Variants in P3H2 observed in about 807,000 individuals in gnomAD.
P3H2 encodes the protein prolyl 3-hydroxylase 2.
In P3H2, 80 loss-of-function variants were observed where a neutral mutation model predicts 87.0. The observed-to-expected ratio is 0.92, with a 90% CI of 0.77 to 1.11. The LOEUF (loss-of-function observed/expected upper bound fraction) is 1.11. Ranked by LOEUF, P3H2 falls within the 50% of genes least tolerant of loss-of-function variation. The pLI, the probability that P3H2 is intolerant of heterozygous loss-of-function variation, is 0.00. For synonymous variants in P3H2, 367 were observed against 359.3 expected, an observed-to-expected ratio of 1.02 and a Z score of -0.24; for missense variants, 1,001 against 923.9, an observed-to-expected ratio of 1.08 and a Z score of -1.08.
chr3:190,012,843 T>A (rs980456181), intron 1 of P3H2, among the ~76,000 whole-genome samples: 3 of 152,150 alleles, frequency 2.0e-5, no homozygotes, highest in African/African-American at 7.2e-5. Context: ...TACAGAAGAT[T>A]AAGAGATTTT....
intron 1 of P3H2, among the ~76,000 whole-genome samples, chr3:190,056,305 C>T (rs1273698595): frequency 6.6e-6 from 1 of 152,170 alleles, no homozygotes; most frequent in African/African-American, 2.4e-5. Context: ...CAAGCTAATA[C>T]AGCTTGTTAA....
In P3H2 at chr3:190,120,712, G is replaced by A. The variant is rs1315055309; in HGVS notation, c.20C>T (p.Ala7Val). 2 of 1,520,230 alleles carry A rather than the reference G, an allele frequency of 1.3e-6. No individual in the cohort carries two copies. Among genetic ancestry groups the A allele is most frequent in the African/African-American group, 1.4e-5 (1 of 70,934 alleles). The allele number at this position is 1,520,230 out of a possible 1,614,324, so 94.2% of individuals were successfully genotyped here. Residue 7 changes from alanine to valine, a missense_variant, in exon 1 of 15, where the codon GCG becomes GTG. Ala to Val is a moderately conservative substitution (Grantham distance 64). Coordinates refer to ENST00000319332, the MANE Select transcript of P3H2 (RefSeq NM_018192.4). ...CGGCAGCAGCAGCAGCAGCGGCGGCGCCCAGATGCGCTCCCGCATCCTCCG... is the reference window on the plus strand; with the variant it reads ...CGGCAGCAGCAGCAGCAGCGGCGGCACCCAGATGCGCTCCCGCATCCTCCG... MRERIWAPPLLLLLPLL... is the reference protein window; with the variant it reads MRERIWVPPLLLLLPLL...
In P3H2 at chr3:190,115,990, T is replaced by C. The variant is rs375111515; in HGVS notation, c.480+4262A>G. On this transcript the variant is annotated intron_variant, in intron 1 of 14. Coordinates refer to ENST00000319332, the MANE Select transcript of P3H2 (RefSeq NM_018192.4). ...CATCCAAATCTGGGAACCTCTGCTTTAGGAGATACAAGAATCACTAAGACA... is the reference window on the plus strand; with the variant it reads ...CATCCAAATCTGGGAACCTCTGCTTCAGGAGATACAAGAATCACTAAGACA... Among the ~76,000 whole-genome samples the C allele has an allele frequency of 2.0e-4, 31 of 152,304 alleles. No homozygotes were observed. In the East Asian group the frequency reaches 5.6e-3, roughly 27 times the overall value.
chr3:190,066,571 C>T (rs919174745), intron 1 of P3H2, among the ~76,000 whole-genome samples: 2 of 151,972 alleles, frequency 1.3e-5, no homozygotes, highest in African/African-American at 4.8e-5. Flanking sequence ...ACCAAAATCT[C>T]ACAAATCACC....
chr3:190,077,471 C>A (rs1171082647), intron 1 of P3H2, among the ~76,000 whole-genome samples: 2 of 152,184 alleles, frequency 1.3e-5, no homozygotes, highest in Non-Finnish European at 2.9e-5. Context: ...TTTGTATGCA[C>A]ATGGACACAC....
At chr3:189,995,657 G>A (rs1180353127) in intron 1 of P3H2, among the ~76,000 whole-genome samples, 2 of 150,336 alleles carry the variant, frequency 1.3e-5, no homozygotes, top group South Asian at 4.2e-4. Context: ...AACAGGTGAA[G>A]ATACAACCTA....
intron 1 of P3H2, among the ~76,000 whole-genome samples, chr3:190,011,284 A>G (rs1194429746): frequency 6.6e-6 from 1 of 152,070 alleles, no homozygotes; most frequent in Non-Finnish European, 1.5e-5. Flanking sequence ...AAAAAAAAAA[A>G]AAAATAGAGT....
At chr3:189,971,691 AAACTGTGCAC>A (rs1276510127) in intron 12 of P3H2, 189 bp downstream of exon 12, 1 of 571,944 alleles carries the variant, frequency 1.7e-6, no homozygotes, top group African/African-American at 1.9e-5. Context: ...AATGGGATGC[AAACTGTGCAC>A]AATTTTTAAG....
At chr3:190,052,529 T>C (rs577127267) in intron 1 of P3H2, among the ~76,000 whole-genome samples, 1 of 152,206 alleles carries the variant, frequency 6.6e-6, no homozygotes, top group Admixed American at 6.5e-5. Flanking sequence ...GATTGAGATC[T>C]TTCTCCATGC....
At chr3:190,056,943 G>C (rs766940269) in intron 1 of P3H2, among the ~76,000 whole-genome samples, 2 of 152,096 alleles carry the variant, frequency 1.3e-5, no homozygotes, top group Non-Finnish European at 2.9e-5. Context: ...CTTCACCATA[G>C]ACTAGAAACA....
chr3:190,058,736 G>A (rs1489375314), intron 1 of P3H2, among the ~76,000 whole-genome samples: 1 of 152,194 alleles, frequency 6.6e-6, no homozygotes, highest in Non-Finnish European at 1.5e-5. Flanking sequence ...TTCAGCTACT[G>A]CTGTTATTTT....
chr3:190,062,014 G>A (rs1420632727), intron 1 of P3H2, among the ~76,000 whole-genome samples: 1 of 151,934 alleles, frequency 6.6e-6, no homozygotes, highest in East Asian at 1.9e-4. Context: ...CTTTCTCCTC[G>A]AGGTCCTCCA....
intron 1 of P3H2, among the ~76,000 whole-genome samples, chr3:189,997,868 T>C (rs710565): frequency 0.19 from 28,813 of 152,196 alleles, 3,181 homozygotes; most frequent in Non-Finnish European, 0.26. Flanking sequence ...GTAATAACTA[T>C]ATAGGTATAA....
At chr3:189,984,122 A>C (rs559528660) in intron 7 of P3H2, among the ~76,000 whole-genome samples, 1 of 152,184 alleles carries the variant, frequency 6.6e-6, no homozygotes, top group Non-Finnish European at 1.5e-5. Context: ...TTTCTGATTC[A>C]GTTAGTGACA....
At position 189,957,926 on chromosome 3, in the gene P3H2, T is replaced by C. The variant is rs773814562; in HGVS notation, c.2113A>G (p.Lys705Glu). ...QGKHELNINPKDEL is the reference protein window; with the variant it reads ...QGKHELNINPEDEL ...CTTTCTCATTTTTATAGCTCATCTTTAGGGTTGATATTCAGTTCATGCTTC... is the reference window on the plus strand; with the variant it reads ...CTTTCTCATTTTTATAGCTCATCTTCAGGGTTGATATTCAGTTCATGCTTC... Residue 705 changes from lysine (K) to glutamate (E), a missense_variant, in exon 15 of 15, where the codon AAA (lysine) becomes GAA (glutamate). Transcript: ENST00000319332. 6.2e-7 allele frequency: 1 copy of C among 1,604,744 alleles called. No individual in the cohort carries two copies. The highest frequency in any genetic ancestry group is 2.2e-5 in the East Asian group (1 of 44,830).
chr3:190,095,269 C>G (rs1475615404), intron 1 of P3H2, among the ~76,000 whole-genome samples: 1 of 136,594 alleles, frequency 7.3e-6, no homozygotes, highest in Non-Finnish European at 1.5e-5. Context: ...GAACTTGAAG[C>G]TGACTCATGT....
At chr3:190,059,125 T>A (rs1577301849) in intron 1 of P3H2, among the ~76,000 whole-genome samples, 1 of 152,110 alleles carries the variant, frequency 6.6e-6, no homozygotes, top group South Asian at 2.1e-4. Context: ...TTCATGGCAG[T>A]TGGTGAGGCT....
intron 13 of P3H2, among the ~76,000 whole-genome samples, chr3:189,966,951 C>A (rs1174750647): frequency 6.6e-6 from 1 of 152,084 alleles, no homozygotes; most frequent in Non-Finnish European, 1.5e-5. Flanking sequence ...CAGATTTTTC[C>A]AAAGTAAAGG....
At position 189,968,878 on chromosome 3, in the gene P3H2, C is replaced by T. The variant is rs376793735; in HGVS notation, c.1893+1938G>A. Among the ~76,000 whole-genome samples the T allele has an allele frequency of 4.1e-4, 62 of 152,260 alleles. No individual in the cohort carries two copies. In the East Asian group the frequency reaches 0.011, roughly 27 times the overall value. On this transcript the variant is annotated intron_variant, in intron 13 of 14. Transcript: ENST00000319332. ...GAGCTTTTTTTCATATGTTTGTTGG[C>T]CTCATAAATGTCTTCTTTTGAGAAG...
Sources: allele counts gnomAD v4.1 joint callset (sites outside exome capture counted in the v4.1 genomes callset), GRCh38; gene constraint gnomAD v4.1.1; transcripts MANE v1.5; gene names NCBI Gene and HGNC (gene_info 2026-07-23, HGNC 2026-07-21).